Variants in FANCI observed in about 807,000 individuals in gnomAD.
The protein encoded by FANCI is Fanconi anemia group I protein.
Under a neutral mutation model 176.1 loss-of-function variants are expected in FANCI, and 156 were observed. That is an observed-to-expected ratio of 0.89 (90% CI 0.78 to 1.01). The LOEUF (loss-of-function observed/expected upper bound fraction) is 1.01, where lower values mean the gene tolerates loss of function less well. Ranked by LOEUF, FANCI falls within the 50% of genes least tolerant of loss-of-function variation. The pLI, the probability that FANCI is intolerant of heterozygous loss-of-function variation, is 0.00. For missense variants in FANCI, 1,678 were observed against 1,534.1 expected (o/e 1.09, Z -1.57); for synonymous variants, 613 against 541.7 (o/e 1.13, Z -1.83).
intron 22 of FANCI, 79 bp from the exon 23 acceptor site, chr15:89,293,754 T>C: frequency 7.7e-7 from 1 of 1,306,418 alleles, no homozygotes; most frequent in South Asian, 1.2e-5. Context: ...AAAGAAGCAT[T>C]GTGATTATTA....
intron 34 of FANCI, among the ~76,000 whole-genome samples, chr15:89,308,933 G>A (rs994910959): frequency 9.1e-5 from 13 of 142,334 alleles, no homozygotes; most frequent in Non-Finnish European, 7.6e-5. Context: ...CAACAAGAGC[G>A]AAACTCCGTC....
chr15:89,312,885 TG>T lies in FANCI; in HGVS notation c.3652-18del, dbSNP rs763430013. On this transcript the variant is annotated intron_variant, in intron 34 of 37. Coordinates refer to ENST00000310775, the MANE Select transcript of FANCI (RefSeq NM_001113378.2). ...AGAAAAATCATCAGGAATAAGAGAA[TG>T]TGTTTCTATTTCTTTAGAATAAGAG... 7.5e-6 allele frequency: 12 copies of T among 1,595,672 alleles called. No homozygotes were observed. In the East Asian group the frequency reaches 2.7e-4, roughly 36 times the overall value.
At chr15:89,294,777 A>G in intron 23 of FANCI, 138 bp from the exon 24 acceptor site, 1 of 782,378 alleles carries the variant, frequency 1.3e-6, no homozygotes, top group Non-Finnish European at 2.0e-6. Context: ...GGCTGCCTAG[A>G]GAGTCTGCCA....
chr15:89,273,326 A>G (rs1567151661), intron 10 of FANCI, 51 bp from the exon 11 acceptor site: 2 of 857,802 alleles, frequency 2.3e-6, no homozygotes, highest in South Asian at 1.5e-5. Context: ...AAAAAAAAAA[A>G]GAAAAAAGAA....
rs773438381 is a variant in FANCI, at chr15:89,291,733, C to T, written c.1992+19C>T. 3.8e-6 allele frequency: 6 copies of T among 1,584,642 alleles called. No individual in the cohort carries two copies. Among genetic ancestry groups the T allele is most frequent in the South Asian group, 1.1e-5 (1 of 90,484 alleles). ...ACCACTGGTGAGACTTTTATTCTTCCTTCAACCATTATTTTTAGTATTAAG... is the reference window on the plus strand; with the variant it reads ...ACCACTGGTGAGACTTTTATTCTTCTTTCAACCATTATTTTTAGTATTAAG... On this transcript the variant is annotated intron_variant, in intron 20 of 37. Transcript: ENST00000310775.
rs763924516 is a variant in FANCI at position 89,264,510 on chromosome 15, T to C, written c.670-12T>C. The C allele has an allele frequency of 6.2e-7, 1 of 1,612,790 alleles. No individual in the cohort carries two copies. The highest frequency in any genetic ancestry group is 2.2e-5 in the East Asian group (1 of 44,814). On this transcript the variant is annotated splice_polypyrimidine_tract_variant and intron_variant, in intron 8 of 37. Transcript: ENST00000310775. The stretch of plus-strand genomic sequence containing the variant: ...TAATTGGGAGACCTTACCAATTTTG[T>C]ATTGTTTTCAGGGAAGCAGAAAGAG...
In FANCI at chr15:89,261,819, AG is replaced by A; in HGVS notation, c.446del. Reference sequence around the variant, plus strand: ...ATTGCTCAGTATATTTTGCATTTCTAGGTGTACTGAGTGGGGAAGAATGTAA... The same window carrying A: ...ATTGCTCAGTATATTTTGCATTTCTAGTGTACTGAGTGGGGAAGAATGTAA... On this transcript the variant is annotated splice_acceptor_variant, in intron 5 of 37. Transcript: ENST00000310775. LOFTEE classifies it high-confidence loss of function. The A allele has an allele frequency of 6.2e-7, 1 of 1,614,038 alleles. No individual in the cohort carries two copies. The highest frequency in any genetic ancestry group is 8.5e-7 in the Non-Finnish European group (1 of 1,179,952).
chr15:89,257,613 C>G (rs2052551983), intron 2 of FANCI, among the ~76,000 whole-genome samples: 1 of 152,124 alleles, frequency 6.6e-6, no homozygotes, highest in African/African-American at 2.4e-5. Flanking sequence ...GGGCATTAGT[C>G]TTTGGATTAG....
In FANCI at chr15:89,243,998, T is replaced by G. The variant is rs1464571734; in HGVS notation, c.-55T>G. On this transcript the variant is annotated 5_prime_UTR_variant, in exon 1 of 38. Transcript: ENST00000310775. Reference sequence around the variant, plus strand: ...ACGGGTAACGGAAGTGTGGCGGCGTTGGGTTGAGCGGGCTTTTTGGAAGTT... The same window carrying G: ...ACGGGTAACGGAAGTGTGGCGGCGTGGGGTTGAGCGGGCTTTTTGGAAGTT... 6.6e-6 allele frequency: 1 copy of G among 152,498 alleles called. No homozygotes were observed. Among genetic ancestry groups the G allele is most frequent in the Non-Finnish European group, 1.5e-5 (1 of 68,358 alleles). The allele number at this position is 152,498 out of a possible 1,614,324, so 9.4% of individuals were successfully genotyped here.
chr15:89,298,009 T>C (rs2054374559), intron 24 of FANCI, among the ~76,000 whole-genome samples: 2 of 151,930 alleles, frequency 1.3e-5, no homozygotes, highest in Admixed American at 6.6e-5. Flanking sequence ...CAAAAACTGA[T>C]GGAACTGAAG....
At position 89,263,441 on chromosome 15, in the gene FANCI, C is replaced by G. The variant is rs756859487; in HGVS notation, c.526C>G (p.Gln176Glu). 1 of 1,612,774 alleles carries G rather than the reference C, an allele frequency of 6.2e-7. No individual in the cohort carries two copies. Among genetic ancestry groups the G allele is most frequent in the Non-Finnish European group, 8.5e-7 (1 of 1,179,032 alleles). Reference protein sequence around the residue: ...SGRWDQQYVIQLTSMFKDVPL... With the variant: ...SGRWDQQYVIELTSMFKDVPL... The stretch of plus-strand genomic sequence containing the variant: ...CAGGTGGGATCAGCAATATGTAATC[C>G]AACTCACCTCCATGTTCAAGTAAGC... Residue 176 changes from glutamine to glutamate, a missense_variant, in exon 7 of 38, where the codon CAA becomes GAA. Physicochemically the swap from Gln to Glu is conservative, Grantham distance 29. This residue lies in a region of FANCI where 469 missense variants were observed against 436.9 expected (regional missense o/e 1.07). Transcript: ENST00000310775.
rs1432648341 is a variant in FANCI, at chr15:89,281,166, TC to T, written c.1382-3del. ...GACAACTGATTATAGATTCTGTTTT[TC>T]AGACCTGCTTTCAAATATCGTCATG... On this transcript the variant is annotated splice_region_variant and splice_polypyrimidine_tract_variant and intron_variant, in intron 14 of 37. Coordinates refer to ENST00000310775, the MANE Select transcript of FANCI (RefSeq NM_001113378.2). 1 of 1,613,312 alleles carries T rather than the reference TC, an allele frequency of 6.2e-7. No individual in the cohort carries two copies. Among genetic ancestry groups the T allele is most frequent in the African/African-American group, 1.3e-5 (1 of 74,920 alleles).
intron 10 of FANCI, among the ~76,000 whole-genome samples, chr15:89,271,869 A>C (rs1357948021): frequency 1.3e-5 from 2 of 152,200 alleles, no homozygotes; most frequent in Non-Finnish European, 2.9e-5. Context: ...TGGACATTTG[A>C]ATTGTTTCTA....
chr15:89,295,730 G>GCCCC (rs2054235820), intron 24 of FANCI, among the ~76,000 whole-genome samples: 2 of 123,190 alleles, frequency 1.6e-5, no homozygotes, highest in Admixed American at 7.6e-5. Flanking sequence ...CCTTCCCCTG[G>GCCCC]CGCCCCCCCC....
At chr15:89,278,654 C>G (rs2053496152) in intron 13 of FANCI, 33 bp from the exon 14 acceptor site, 1 of 1,552,858 alleles carries the variant, frequency 6.4e-7, no homozygotes, top group Non-Finnish European at 8.9e-7. Flanking sequence ...GAAGGGTCAC[C>G]CAGGAATATT....
intron 10 of FANCI, among the ~76,000 whole-genome samples, chr15:89,272,113 TTGTC>T (rs1284593575): frequency 1.3e-5 from 2 of 152,228 alleles, no homozygotes; most frequent in East Asian, 3.8e-4. Flanking sequence ...ACATTTGTTA[TTGTC>T]TGTCTTTTTT....
chr15:89,250,638 C>T (rs112530591), intron 2 of FANCI, among the ~76,000 whole-genome samples: 16,953 of 150,758 alleles, frequency 0.11, 3,061 homozygotes, highest in African/African-American at 0.38. Context: ...GGCACATGTA[C>T]GCATATGTAA....
At chr15:89,281,406 C>A in intron 15 of FANCI, 106 bp downstream of exon 15, 2 of 1,379,590 alleles carry the variant, frequency 1.4e-6, no homozygotes, top group African/African-American at 1.4e-5. Flanking sequence ...AATTCTATTC[C>A]ACTTTAGTCT....
At chr15:89,316,360 T>C in intron 37 of FANCI, 37 bp from the exon 38 acceptor site, 1 of 1,589,888 alleles carries the variant, frequency 6.3e-7, no homozygotes. Flanking sequence ...TTGGAGCAGG[T>C]TTATCACGTT....
Sources: allele counts gnomAD v4.1 joint callset (sites outside exome capture counted in the v4.1 genomes callset), GRCh38; gene constraint gnomAD v4.1.1; regional missense constraint gnomAD v4.1.1; transcripts MANE v1.5; gene names NCBI Gene and HGNC (gene_info 2026-07-23, HGNC 2026-07-21).